The following FAM117B variants were observed in gnomAD, a reference collection of about 807,000 sequenced individuals.
FAM117B encodes the protein protein FAM117B.
Under a neutral mutation model 52.8 loss-of-function variants are expected in FAM117B, and 22 were observed. The ratio of observed to expected loss-of-function variants is 0.42; its 90% CI spans 0.30 to 0.59. The LOEUF is 0.59. FAM117B is among the 20% of genes least tolerant of loss of function. The pLI, the probability that FAM117B is intolerant of heterozygous loss-of-function variation, is 0.22. For synonymous variants in FAM117B, 309 were observed against 324.1 expected (o/e 0.95, Z 0.50); for missense variants, 678 against 802.6 (o/e 0.84, Z 1.88).
chr2:202,680,103 T>A (rs1176616764), intron 1 of FAM117B, among the ~76,000 whole-genome samples: 1 of 152,200 alleles, frequency 6.6e-6, no homozygotes, highest in Non-Finnish European at 1.5e-5. Context: ...GTTTCTTATC[T>A]GATGAGAAAG....
intron 1 of FAM117B, among the ~76,000 whole-genome samples, chr2:202,680,338 G>A (rs899299329): frequency 2.0e-5 from 3 of 152,086 alleles, no homozygotes; most frequent in African/African-American, 7.2e-5. Context: ...GTTAATGGGT[G>A]CAGCACACCA....
intron 4 of FAM117B, among the ~76,000 whole-genome samples, chr2:202,747,601 A>T (rs1196415226): frequency 6.6e-6 from 1 of 152,314 alleles, no homozygotes; most frequent in Non-Finnish European, 1.5e-5. Context: ...TGAATTTACT[A>T]AAGTCGCTGG....
chr2:202,759,384 A>G (rs1691848629), intron 7 of FAM117B, 31 bp downstream of exon 7: 1 of 1,597,566 alleles, frequency 6.3e-7, no homozygotes, highest in Non-Finnish European at 8.5e-7. Context: ...CCCCACAAAA[A>G]AACTATTATG....
At chr2:202,680,475 C>T (rs6709463) in intron 1 of FAM117B, among the ~76,000 whole-genome samples, 84,951 of 151,942 alleles carry the variant, frequency 0.56, 24,679 homozygotes, top group African/African-American at 0.68. Flanking sequence ...ATAAAAACTA[C>T]AATCATGCAG....
chr2:202,638,098 G>C (rs1249981356), intron 1 of FAM117B, among the ~76,000 whole-genome samples: 1 of 152,064 alleles, frequency 6.6e-6, no homozygotes, highest in Non-Finnish European at 1.5e-5. Context: ...CTGGTCTCAA[G>C]CTCCCAACCT....
At chr2:202,724,311 G>A (rs904206607) in intron 2 of FAM117B, among the ~76,000 whole-genome samples, 5 of 152,090 alleles carry the variant, frequency 3.3e-5, no homozygotes, top group African/African-American at 7.2e-5. Flanking sequence ...CCAAAGTGCT[G>A]GGATTACAGG....
intron 1 of FAM117B, among the ~76,000 whole-genome samples, chr2:202,653,852 C>G (rs1278154011): frequency 6.6e-6 from 1 of 152,106 alleles, no homozygotes; most frequent in Non-Finnish European, 1.5e-5. Context: ...TTTTCTGTCA[C>G]TAATGAAATG....
chr2:202,640,116 A>C (rs1261231791), intron 1 of FAM117B, among the ~76,000 whole-genome samples: 3 of 151,282 alleles, frequency 2.0e-5, no homozygotes, highest in Admixed American at 6.6e-5. Flanking sequence ...CTAAAAATAC[A>C]AAAAATTAGA....
intron 1 of FAM117B, among the ~76,000 whole-genome samples, chr2:202,648,348 A>G (rs1202816263): frequency 2.0e-5 from 3 of 152,010 alleles, no homozygotes. Flanking sequence ...CGTCTCTACT[A>G]AAATACAGAA....
chr2:202,661,022 A>G (rs1690120015), intron 1 of FAM117B, among the ~76,000 whole-genome samples: 1 of 152,184 alleles, frequency 6.6e-6, no homozygotes, highest in Non-Finnish European at 1.5e-5. Context: ...TTTCTCCTGG[A>G]CTTTTTCCTG....
chr2:202,726,299 A>G lies in FAM117B; in HGVS notation c.896A>G (p.His299Arg), dbSNP rs1691244519. The G allele has an allele frequency of 1.2e-6, 2 of 1,613,900 alleles. No individual in the cohort carries two copies. The highest frequency in any genetic ancestry group is 1.3e-5 in the African/African-American group (1 of 74,936). ...CAGAGAAGTAAACACAGCAGTCGGC[A>G]TCATCGAGATAAAGAAAGACAGTCT... Reference protein sequence around the residue: ...QLQRSKHSSRHHRDKERQSPF... With the variant: ...QLQRSKHSSRRHRDKERQSPF... The change falls in exon 4 of 8, where the codon CAT becomes CGT. Residue 299 changes from histidine (H) to arginine (R), a missense_variant. His to Arg is a conservative substitution (Grantham distance 29). Around this residue, in one of 3 missense-constraint regions of FAM117B, gnomAD observed 583 missense variants for 644.8 expected, o/e 0.90. Transcript: ENST00000392238.
At chr2:202,667,566 A>G (rs1690225110) in intron 1 of FAM117B, among the ~76,000 whole-genome samples, 1 of 152,110 alleles carries the variant, frequency 6.6e-6, no homozygotes, top group Admixed American at 6.6e-5. Context: ...ATTACAATGA[A>G]GGTGATAATT....
chr2:202,683,888 A>G (rs1690498663), intron 1 of FAM117B, among the ~76,000 whole-genome samples: 1 of 151,396 alleles, frequency 6.6e-6, no homozygotes, highest in Admixed American at 6.6e-5. Context: ...TTTTTTGGAG[A>G]CAGGGTCTTG....
chr2:202,756,290 G>A (rs917786392), intron 5 of FAM117B, among the ~76,000 whole-genome samples: 8 of 151,798 alleles, frequency 5.3e-5, no homozygotes, highest in Non-Finnish European at 1.0e-4. Context: ...ATGGTGGTGC[G>A]TGCCTGTAAT....
At chr2:202,701,055 C>T (rs1690788882) in intron 2 of FAM117B, among the ~76,000 whole-genome samples, 1 of 152,120 alleles carries the variant, frequency 6.6e-6, no homozygotes, top group African/African-American at 2.4e-5. Flanking sequence ...CTAGGACTTT[C>T]ATAGCTAGAG....
At position 202,705,729 on chromosome 2, in the gene FAM117B, A is replaced by G. The variant is rs140637348; in HGVS notation, c.753+9697A>G. Among the ~76,000 whole-genome samples the G allele has an allele frequency of 3.3e-5, 5 of 152,302 alleles. No individual in the cohort carries two copies. The East Asian group carries it at 7.7e-4, about 23-fold the overall frequency. Reference sequence around the variant, plus strand: ...TTTGCCTTCCAAAAACGTTAGACTAATTTATATTTCCAGCATTAGCTACCT... The same window carrying G: ...TTTGCCTTCCAAAAACGTTAGACTAGTTTATATTTCCAGCATTAGCTACCT... On this transcript the variant is annotated intron_variant, in intron 2 of 7. Transcript: ENST00000392238.
intron 2 of FAM117B, among the ~76,000 whole-genome samples, chr2:202,709,312 C>G (rs943950202): frequency 1.3e-5 from 2 of 151,938 alleles, no homozygotes; most frequent in African/African-American, 2.4e-5. Context: ...AAGCGATTCT[C>G]ATGTCTCAGC....
chr2:202,728,290 A>G (rs1691287997), intron 4 of FAM117B, among the ~76,000 whole-genome samples: 1 of 152,150 alleles, frequency 6.6e-6, no homozygotes, highest in African/African-American at 2.4e-5. Flanking sequence ...TGTCCAGCCA[A>G]ATTTATAGTT....
At chr2:202,726,127 G>A (rs920631669) in intron 3 of FAM117B, 123 bp from the exon 4 acceptor site, 3 of 627,724 alleles carry the variant, frequency 4.8e-6, no homozygotes, top group Non-Finnish European at 5.7e-6. Context: ...GAGACTTTGT[G>A]ATATGGTTCA....
Sources: allele counts gnomAD v4.1 joint callset (sites outside exome capture counted in the v4.1 genomes callset), GRCh38; gene constraint gnomAD v4.1.1; regional missense constraint gnomAD v4.1.1; transcripts MANE v1.5; gene names NCBI Gene and HGNC (gene_info 2026-07-23, HGNC 2026-07-21).